CELSR1: variants seen among roughly 807,000 people sequenced by gnomAD.
The protein encoded by CELSR1 is cadherin EGF LAG seven-pass G-type receptor 1, also known as adhesion G protein-coupled receptor C1.
In CELSR1, 110 loss-of-function variants were observed where a neutral mutation model predicts 249.1. That is an observed-to-expected ratio of 0.44 (90% CI 0.38 to 0.52). The LOEUF is 0.52. Among genes scored for constraint, CELSR1 ranks in the 20% least tolerant of loss-of-function variants. The pLI is 0.00. For missense variants in CELSR1, 4,109 were observed against 4,296.4 expected, an observed-to-expected ratio of 0.96 and a Z score of 1.22; for synonymous variants, 2,113 against 1,900.0, an observed-to-expected ratio of 1.11 and a Z score of -2.92.
rs2080068300 is a variant in CELSR1 at position 46,464,106 on chromosome 22, A to G, written c.3784T>C (p.Phe1262Leu). The G allele has an allele frequency of 6.2e-7, 1 of 1,613,738 alleles. No individual in the cohort carries two copies. The highest frequency in any genetic ancestry group is 1.7e-5 in the Admixed American group (1 of 60,004). ...DVSSNILNVT[F>L]SALLPGGVRG... ...ACGCCGCCAGGCAGCAGCGCCGAGA[A>G]GGTCACGTTCAGGATGTTGGAGCTG... The change falls in exon 2 of 35, where the codon TTC (phenylalanine) becomes CTC (leucine). Residue 1262 changes from phenylalanine (F) to leucine (L), a missense_variant. Physicochemically the swap from Phe to Leu is conservative, Grantham distance 22 (BLOSUM62 0). This residue lies in a region of CELSR1 where 141 missense variants were observed against 209.4 expected (regional missense o/e 0.67). Transcript: ENST00000674500. This position sits in a 1 kb window ranked among gnomAD's most constrained non-coding sequence, Gnocchi z 8.5.
In CELSR1 at chr22:46,536,969, C is replaced by T. The variant is rs912927406; in HGVS notation, c.202G>A (p.Gly68Ser). 4 of 1,143,782 alleles carry T rather than the reference C, an allele frequency of 3.5e-6. No homozygotes were observed. Among genetic ancestry groups the T allele is most frequent in the Non-Finnish European group, 4.3e-6 (4 of 933,930 alleles). The allele number at this position is 1,143,782 out of a possible 1,614,324, so 70.9% of individuals were successfully genotyped here. A position where few individuals can be genotyped will look rare whatever the true frequency, so the allele number is the denominator to read the frequency against. The change falls in exon 1 of 35, where the codon GGC (glycine) becomes AGC (serine). Residue 68 changes from glycine (G) to serine (S), a missense_variant. Transcript: ENST00000674500. The stretch of plus-strand genomic sequence containing the variant: ...CGTCCTGCCAGCCGCCCATCGCGGC[C>T]CACGTCCAGCAGCTCCCGCGGCGCC... ...PRAPRELLDV[G>S]RDGRLAGRRR...
rs1352062859 is a variant in CELSR1 at position 46,374,985 on chromosome 22, G to A, written c.7585-1928C>T. Among the ~76,000 whole-genome samples the A allele has an allele frequency of 6.6e-6, 1 of 152,136 alleles. No homozygotes were observed. The highest frequency in any genetic ancestry group is 1.9e-4 in the East Asian group (1 of 5,174). ...ACGCCTCGGGGCTCGTCCTTCATGG[G>A]CCAGGCCTGGTGCTCCACCTACCAC... is the stretch of plus-strand genomic sequence containing the variant. On this transcript the variant is annotated intron_variant, in intron 24 of 34. Coordinates refer to ENST00000674500, the MANE Select transcript of CELSR1 (RefSeq NM_001378328.1). The surrounding 1 kb of genome is among the most constrained non-coding windows in gnomAD (Gnocchi z 4.3).
Position 46,446,600 on chromosome 22 carries a change from C to A in CELSR1, c.4184-7189G>T, listed in dbSNP as rs1016815624. ...ATGCTGAGCACCTGGCAGGGAGGGT[C>A]GCAGGGGGTCGGTGGGGGGGAAAGC... is the stretch of plus-strand genomic sequence containing the variant. On this transcript the variant is annotated intron_variant, in intron 2 of 34. Coordinates refer to ENST00000674500, the MANE Select transcript of CELSR1 (RefSeq NM_001378328.1). The surrounding 1 kb of genome is among the most constrained non-coding windows in gnomAD (Gnocchi z 5.5). Among the ~76,000 whole-genome samples the A allele has an allele frequency of 6.6e-6, 1 of 151,526 alleles. No homozygotes were observed. Among genetic ancestry groups the A allele is most frequent in the Non-Finnish European group, 1.5e-5 (1 of 67,936 alleles).
intron 2 of CELSR1, among the ~76,000 whole-genome samples, chr22:46,456,322 T>C (rs1254593213): frequency 2.6e-5 from 4 of 152,086 alleles, no homozygotes; most frequent in Admixed American, 2.6e-4. Flanking sequence ...GATGAGTGCG[T>C]CAGCAGATCA....
At position 46,537,117 on chromosome 22, in the gene CELSR1, G is replaced by T; in HGVS notation, c.54C>A (p.Ala18=). 9.6e-7 allele frequency: 1 copy of T among 1,036,908 alleles called. No individual in the cohort carries two copies. 64.2% of individuals were successfully genotyped at this position (1,036,908 alleles called of 1,614,324 possible). A position where few individuals can be genotyped will look rare whatever the true frequency, so the allele number is the denominator to read the frequency against. ...GCAGCCCCATCGCCGGCAGGGCGGCGGCGGCGGCCAGGAGCAGCAGCACGG... is the reference window on the plus strand; with the variant it reads ...GCAGCCCCATCGCCGGCAGGGCGGCTGCGGCGGCCAGGAGCAGCAGCACGG... The part of the protein sequence containing the change: ...VLPVLLLLAA[A]AALPAMGLRA... The change falls in exon 1 of 35, where the codon GCC becomes GCA. Residue 18 remains alanine, a synonymous_variant. Transcript: ENST00000674500. This position sits in a 1 kb window ranked among gnomAD's most constrained non-coding sequence, Gnocchi z 5.8.
intron 20 of CELSR1, among the ~76,000 whole-genome samples, chr22:46,382,370 C>G (rs1031620908): frequency 6.6e-6 from 1 of 152,062 alleles, no homozygotes; most frequent in Non-Finnish European, 1.5e-5. Context: ...CTCCGCCTCC[C>G]GGGTTCACGC....
chr22:46,383,804 T>C (rs185792256), intron 20 of CELSR1, among the ~76,000 whole-genome samples: 3 of 152,270 alleles, frequency 2.0e-5, no homozygotes, highest in Admixed American at 2.0e-4. Context: ...AGTGTTGGGG[T>C]TACAGGCATG....
Position 46,386,412 on chromosome 22 carries a change from G to T in CELSR1, c.6729C>A (p.Thr2243=). The T allele has an allele frequency of 6.3e-7, 1 of 1,577,434 alleles. No individual in the cohort carries two copies. Among genetic ancestry groups the T allele is most frequent in the East Asian group, 2.3e-5 (1 of 43,510 alleles). Residue 2243 remains threonine, a synonymous_variant, in exon 19 of 35, where the codon ACC becomes ACA. Transcript: ENST00000674500. Reference sequence around the variant, plus strand: ...CAGCCAGCGCCTTACTCATGTTGGCGGTGACGATGACGAAGGGCCGCAGGT... The same window carrying T: ...CAGCCAGCGCCTTACTCATGTTGGCTGTGACGATGACGAAGGGCCGCAGGT... ...RTYLRPFVIV[T]ANMILAVDIF...
In CELSR1 at chr22:46,437,968, G is replaced by A. The variant is rs114797180; in HGVS notation, c.4406+1221C>T. On this transcript the variant is annotated intron_variant, in intron 3 of 34. Transcript: ENST00000674500. The surrounding 1 kb of genome is among the most constrained non-coding windows in gnomAD (Gnocchi z 4.9). ...CTCAGCCCCTGGGTCATACCTGATT[G>A]CCTTTGGTGGGTTTCACTTCTGTGC... Among the ~76,000 whole-genome samples, 8,982 of 152,222 alleles carry A rather than the reference G, an allele frequency of 0.059. 369 individuals are homozygous for A. Among genetic ancestry groups the A allele is most frequent in the Middle Eastern group, 0.095 (28 of 294 alleles).
chr22:46,487,061 C>T (rs1602202187), intron 1 of CELSR1, among the ~76,000 whole-genome samples: 2 of 112,252 alleles, frequency 1.8e-5, no homozygotes, highest in Admixed American at 9.2e-5. Flanking sequence ...CACTCCCACT[C>T]CCACTTCCAC....
chr22:46,374,750 A>T lies in CELSR1; in HGVS notation c.7585-1693T>A, dbSNP rs1196118147. On this transcript the variant is annotated intron_variant, in intron 24 of 34. Transcript: ENST00000674500. This position sits in a 1 kb window ranked among gnomAD's most constrained non-coding sequence, Gnocchi z 4.3. ...AGAGGGGTTTTGAGATGAAATCCGC[A>T]CACTTCTCAGAGCCTTCCCAGACCA... is the stretch of plus-strand genomic sequence containing the variant. Among the ~76,000 whole-genome samples the T allele has an allele frequency of 6.6e-6, 1 of 152,128 alleles. No homozygotes were observed. Among genetic ancestry groups the T allele is most frequent in the Non-Finnish European group, 1.5e-5 (1 of 68,016 alleles).
chr22:46,421,982 C>T (rs1465992553), intron 5 of CELSR1, among the ~76,000 whole-genome samples: 1 of 152,268 alleles, frequency 6.6e-6, no homozygotes, highest in Non-Finnish European at 1.5e-5. Flanking sequence ...GCAAAATTAC[C>T]AGCCTGCATG....
At chr22:46,501,936 C>T (rs1456457508) in intron 1 of CELSR1, among the ~76,000 whole-genome samples, 1 of 152,086 alleles carries the variant, frequency 6.6e-6, no homozygotes, top group Non-Finnish European at 1.5e-5. Flanking sequence ...AGAGGAAGCT[C>T]ATTACATTTT....
At chr22:46,492,013 G>A (rs1039350633) in intron 1 of CELSR1, among the ~76,000 whole-genome samples, 4 of 152,188 alleles carry the variant, frequency 2.6e-5, no homozygotes, top group African/African-American at 4.8e-5. Context: ...CCAGCACCTC[G>A]CAAGTGCCTA....
In CELSR1 at chr22:46,454,778, C is replaced by T. The variant is rs373077460; in HGVS notation, c.4183+8929G>A. Among the ~76,000 whole-genome samples, 3 of 152,228 alleles carry T rather than the reference C, an allele frequency of 2.0e-5. No individual in the cohort carries two copies. Among genetic ancestry groups the T allele is most frequent in the East Asian group, 3.9e-4 (2 of 5,188 alleles). On this transcript the variant is annotated intron_variant, in intron 2 of 34. Coordinates refer to ENST00000674500, the MANE Select transcript of CELSR1 (RefSeq NM_001378328.1). This position sits in a 1 kb window ranked among gnomAD's most constrained non-coding sequence, Gnocchi z 5.1. ...GTGGCCCGTGGTCCTCGCAGACACG[C>T]GACAGGCAGGCCAGTGAGAAGCGCC...
At chr22:46,505,979 G>A (rs1014835582) in intron 1 of CELSR1, among the ~76,000 whole-genome samples, 2 of 152,016 alleles carry the variant, frequency 1.3e-5, no homozygotes, top group Non-Finnish European at 2.9e-5. Context: ...AGGAGTTTGA[G>A]ACCAGACTGG....
chr22:46,530,795 C>G (rs1428996654), intron 1 of CELSR1, among the ~76,000 whole-genome samples: 1 of 152,194 alleles, frequency 6.6e-6, no homozygotes, highest in Non-Finnish European at 1.5e-5. Flanking sequence ...TTCCCAGGCC[C>G]TGCCCTCCGA....
At chr22:46,492,686 G>C (rs1430993800) in intron 1 of CELSR1, among the ~76,000 whole-genome samples, 1 of 152,038 alleles carries the variant, frequency 6.6e-6, no homozygotes, top group Admixed American at 6.6e-5. Flanking sequence ...TTAGCTGGGC[G>C]TGTAAGCAAT....
chr22:46,534,481 T>C lies in CELSR1; in HGVS notation c.2690A>G (p.Tyr897Cys), dbSNP rs759075013. 2 of 1,613,206 alleles carry C rather than the reference T, an allele frequency of 1.2e-6. No homozygotes were observed. The highest frequency in any genetic ancestry group is 1.6e-4 in the Middle Eastern group (1 of 6,062). Residue 897 changes from tyrosine to cysteine, a missense_variant, in exon 1 of 35, where the codon TAC becomes TGC. This residue lies in a region of CELSR1 where 886 missense variants were observed against 896.5 expected (regional missense o/e 0.99). Transcript: ENST00000674500. The surrounding 1 kb of genome is among the most constrained non-coding windows in gnomAD (Gnocchi z 9.7). ...DNAPQFLWDF[Y>C]QGSIFEDAPP... Reference sequence around the variant, plus strand: ...AGCATCCTCAAAGATGGAACCCTGGTAGAAATCCCACAGGAACTGGGGTGC... The same window carrying C: ...AGCATCCTCAAAGATGGAACCCTGGCAGAAATCCCACAGGAACTGGGGTGC...
Sources: allele counts gnomAD v4.1 joint callset (sites outside exome capture counted in the v4.1 genomes callset), GRCh38; gene constraint gnomAD v4.1.1; regional missense constraint gnomAD v4.1.1; non-coding constraint Gnocchi (gnomAD v3.1); transcripts MANE v1.5; gene names NCBI Gene and HGNC (gene_info 2026-07-23, HGNC 2026-07-21).